The following DNAH14 variants were observed in gnomAD, a reference collection of about 807,000 sequenced individuals.
DNAH14 encodes the protein dynein axonemal heavy chain 14.
Under a neutral mutation model 520.9 loss-of-function variants are expected in DNAH14, and 478 were observed. The ratio of observed to expected loss-of-function variants is 0.92; its 90% CI spans 0.85 to 0.99. The LOEUF (loss-of-function observed/expected upper bound fraction) is 0.99, where lower values mean the gene tolerates loss of function less well. Among genes scored for constraint, DNAH14 ranks in the 50% least tolerant of loss-of-function variants. DNAH14 has a pLI of 0.00. For missense variants in DNAH14, 4,831 were observed against 5,234.5 expected (o/e 0.92, Z 2.38); for synonymous variants, 1,581 against 1,757.2 (o/e 0.90, Z 2.51).
At chr1:225,199,271 T>A (rs2086520751) in intron 38 of DNAH14, among the ~76,000 whole-genome samples, 1 of 152,166 alleles carries the variant, frequency 6.6e-6, no homozygotes, top group Non-Finnish European at 1.5e-5. Context: ...CTATCAATTT[T>A]ATTTTTTCAG....
chr1:224,934,690 C>T (rs1373884251), intron 1 of DNAH14, among the ~76,000 whole-genome samples: 2 of 151,460 alleles, frequency 1.3e-5, no homozygotes, highest in African/African-American at 4.8e-5. Context: ...CTCAGTGATC[C>T]TCAGGCAGAA....
intron 41 of DNAH14, 49 bp downstream of exon 41, chr1:225,207,269 A>C (rs1241756422): frequency 7.1e-7 from 1 of 1,411,032 alleles, no homozygotes; most frequent in East Asian, 2.7e-5. Flanking sequence ...TAGCTAGTCA[A>C]TGCTAATTCA....
chr1:225,104,593 T>C (rs1450926916), intron 23 of DNAH14, among the ~76,000 whole-genome samples: 9 of 152,182 alleles, frequency 5.9e-5, no homozygotes, highest in Non-Finnish European at 1.2e-4. Context: ...GAGATTCAAC[T>C]TCTTCCTGGT....
At chr1:225,022,963 CATT>C (rs2065828433) in intron 10 of DNAH14, among the ~76,000 whole-genome samples, 2 of 152,086 alleles carry the variant, frequency 1.3e-5, no homozygotes, top group Non-Finnish European at 2.9e-5. Flanking sequence ...AGCTGGAGGT[CATT>C]ATTTTAAGCA....
Position 225,100,722 on chromosome 1 carries a change from A to T in DNAH14, c.3705A>T (p.Pro1235=). 6.7e-7 allele frequency: 1 copy of T among 1,502,428 alleles called. No homozygotes were observed. Among genetic ancestry groups the T allele is most frequent in the African/African-American group, 1.4e-5 (1 of 70,232 alleles). 93.1% of individuals were successfully genotyped at this position (1,502,428 alleles called of 1,614,324 possible). The part of the protein sequence containing the change: ...FHSSEIRRQL[P]AETELFSQVI... ...AATTTTTTTTCTAAAGGCAACTCCCAGCAGAAACAGAACTTTTCTCTCAAG... is the reference window on the plus strand; with the variant it reads ...AATTTTTTTTCTAAAGGCAACTCCCTGCAGAAACAGAACTTTTCTCTCAAG... Residue 1235 remains proline, a synonymous_variant, in exon 23 of 86, where the codon CCA becomes CCT. Coordinates refer to ENST00000682510, the MANE Select transcript of DNAH14 (RefSeq NM_001367479.1).
intron 17 of DNAH14, among the ~76,000 whole-genome samples, chr1:225,065,790 C>T (rs1459250417): frequency 6.6e-6 from 1 of 152,022 alleles, no homozygotes; most frequent in African/African-American, 2.4e-5. Context: ...ATAGTGTCCA[C>T]AATTGTCCAT....
chr1:225,032,654 C>T (rs1432516567), intron 11 of DNAH14, among the ~76,000 whole-genome samples: 2 of 152,132 alleles, frequency 1.3e-5, no homozygotes, highest in East Asian at 3.9e-4. Context: ...GAGTAATCGC[C>T]ATACTGTTTT....
At chr1:225,059,481 T>G (rs4653601) in intron 17 of DNAH14, among the ~76,000 whole-genome samples, 128,558 of 150,614 alleles carry the variant, frequency 0.85, 58,077 homozygotes, top group Non-Finnish European at 1. Flanking sequence ...TCTTTATCCA[T>G]TTTGCCAGTG....
chr1:225,168,746 A>G (rs1467585890), intron 36 of DNAH14, among the ~76,000 whole-genome samples: 7 of 152,198 alleles, frequency 4.6e-5, no homozygotes, highest in Non-Finnish European at 1.5e-5. Flanking sequence ...CAAATAAAAA[A>G]TAGCAGAAAC....
chr1:225,018,156 G>A (rs542581292), intron 10 of DNAH14, among the ~76,000 whole-genome samples: 1 of 152,178 alleles, frequency 6.6e-6, no homozygotes, highest in South Asian at 2.1e-4. Flanking sequence ...CCAAATCCAA[G>A]GAAAACAGTA....
intron 27 of DNAH14, among the ~76,000 whole-genome samples, chr1:225,128,414 T>A (rs1173344903): frequency 1.3e-5 from 2 of 152,146 alleles, no homozygotes; most frequent in Non-Finnish European, 2.9e-5. Context: ...GCAAAAATCC[T>A]CAATAAAATA....
At chr1:225,074,716 G>T (rs1269854218) in intron 17 of DNAH14, among the ~76,000 whole-genome samples, 1 of 152,256 alleles carries the variant, frequency 6.6e-6, no homozygotes, top group Non-Finnish European at 1.5e-5. Context: ...TAGCTGTGCT[G>T]TGCTGGGGAA....
intron 8 of DNAH14, among the ~76,000 whole-genome samples, chr1:224,993,729 G>T (rs907537960): frequency 1.3e-5 from 2 of 151,476 alleles, no homozygotes; most frequent in Admixed American, 6.6e-5. Flanking sequence ...GCTAATTTTG[G>T]CTTAGTTTGT....
At chr1:225,015,689 A>G (rs2065161933) in intron 10 of DNAH14, among the ~76,000 whole-genome samples, 1 of 152,280 alleles carries the variant, frequency 6.6e-6, no homozygotes, top group Admixed American at 6.5e-5. Context: ...CAAATGTTAT[A>G]GTAAGCAAAT....
chr1:225,145,259 A>G, intron 29 of DNAH14, 67 bp from the exon 30 acceptor site: 1 of 1,249,926 alleles, frequency 8.0e-7, no homozygotes, highest in Non-Finnish European at 1.1e-6. Context: ...TTATTACTCT[A>G]GCAGTTTTAA....
intron 81 of DNAH14, among the ~76,000 whole-genome samples, chr1:225,385,339 C>A (rs531948667): frequency 1.4e-4 from 21 of 152,324 alleles, no homozygotes; most frequent in East Asian, 7.7e-4. Context: ...TGCCCTCTCT[C>A]ACCACTCCTA....
chr1:225,021,617 G>A (rs2065702104), intron 10 of DNAH14, among the ~76,000 whole-genome samples: 1 of 152,136 alleles, frequency 6.6e-6, no homozygotes, highest in Non-Finnish European at 1.5e-5. Flanking sequence ...ACAAAGCACT[G>A]CTGAAAGAAA....
chr1:225,344,691 T>TTTTATTTA (rs10605144), intron 69 of DNAH14, among the ~76,000 whole-genome samples: 1,685 of 143,126 alleles, frequency 0.012, 22 homozygotes, highest in African/African-American at 0.03. Context: ...CTAGCCATTC[T>TTTTATTTA]TTTATTTATT....
At chr1:225,099,435 T>G (rs566060653) in intron 22 of DNAH14, among the ~76,000 whole-genome samples, 5 of 152,202 alleles carry the variant, frequency 3.3e-5, no homozygotes, top group African/African-American at 1.2e-4. Context: ...TTTCACAAAG[T>G]CTGGAAACAT....
Sources: gnomAD v4.1 joint callset for allele counts (sites outside exome capture counted in the v4.1 genomes callset) on GRCh38, gnomAD v4.1.1 for gene constraint, MANE v1.5 for transcripts, NCBI Gene and HGNC (gene_info 2026-07-23, HGNC 2026-07-21) for gene names.